Variants in DMD observed in about 807,000 individuals in gnomAD.
The protein encoded by DMD is dystrophin.
Under a neutral mutation model 330.1 loss-of-function variants are expected in DMD, and 63 were observed. That is an observed-to-expected ratio of 0.19 (90% CI 0.16 to 0.24). DMD has a LOEUF of 0.24. DMD is among the 10% of genes least tolerant of loss of function. DMD has a pLI of 1.00. For missense variants in DMD, 3,344 were observed against 2,684.1 expected (o/e 1.25, Z -5.43); for synonymous variants, 1,223 against 959.8 (o/e 1.27, Z -5.07).
At chrX:31,858,446 A>T (rs1028766034) in intron 48 of DMD, among the ~76,000 whole-genome samples, 1 of 110,933 alleles carries the variant, frequency 9.0e-6, no homozygotes, top group Non-Finnish European at 1.9e-5. Context: ...TTTAGATAAT[A>T]TATTATTATC....
chrX:32,946,074 A>G (rs2090784629), intron 2 of DMD, among the ~76,000 whole-genome samples: 1 of 111,762 alleles, frequency 8.9e-6, no homozygotes, highest in Admixed American at 9.6e-5. Flanking sequence ...CAGATAATTC[A>G]TACTTAGTTG....
At chrX:32,883,847 A>G (rs1046566552) in intron 2 of DMD, among the ~76,000 whole-genome samples, 65 of 102,268 alleles carry the variant, frequency 6.4e-4, no homozygotes, top group Non-Finnish European at 1.0e-3. Context: ...AAAAAAAAAA[A>G]AAAAGAAAAT....
chrX:31,759,333 C>T (rs1176871750), intron 51 of DMD, among the ~76,000 whole-genome samples: 3 of 108,764 alleles, frequency 2.8e-5, no homozygotes, highest in Non-Finnish European at 3.8e-5. Flanking sequence ...AAGGTAGTGA[C>T]CAAACCTTCC....
chrX:32,724,624 G>A (rs888752344), intron 7 of DMD, among the ~76,000 whole-genome samples: 2 of 111,527 alleles, frequency 1.8e-5, no homozygotes, highest in African/African-American at 6.5e-5. Flanking sequence ...GTTGAACCAT[G>A]TAGCTCACAT....
chrX:32,622,913 C>T (rs1472531675), intron 11 of DMD, among the ~76,000 whole-genome samples: 1 of 111,754 alleles, frequency 8.9e-6, no homozygotes, highest in East Asian at 2.8e-4. Context: ...ATGGATCACA[C>T]TTTGAATGAC....
chrX:32,859,496 C>G (rs2081901961), intron 2 of DMD, among the ~76,000 whole-genome samples: 2 of 85,898 alleles, frequency 2.3e-5, no homozygotes, highest in South Asian at 9.2e-4. Context: ...CACACACACA[C>G]ACACACACAC....
intron 1 of DMD, among the ~76,000 whole-genome samples, chrX:33,082,007 T>C (rs1209753288): frequency 9.2e-6 from 1 of 108,889 alleles, no homozygotes; most frequent in African/African-American, 3.3e-5. Context: ...GCCTCCTCTG[T>C]TTTTCCCAAT....
Position 32,037,282 on chromosome X carries a change from G to C in DMD, c.6439-68768C>G, listed in dbSNP as rs191957874. On this transcript the variant is annotated intron_variant, in intron 44 of 78. Coordinates refer to ENST00000357033, the MANE Select transcript of DMD (RefSeq NM_004006.3). ...TTCATGAGCAAGCAATGTGGAGGCA[G>C]TATATTCCCACAGAACATATTCATG... Among the ~76,000 whole-genome samples, 62 of 111,875 alleles carry C rather than the reference G, an allele frequency of 5.5e-4. 1 individual carries two copies. The Admixed American group carries it at 5.7e-3, about 10-fold the overall frequency.
chrX:32,607,646 A>G (rs944205820), intron 12 of DMD, among the ~76,000 whole-genome samples: 1 of 110,223 alleles, frequency 9.1e-6, no homozygotes, highest in Non-Finnish European at 1.9e-5. Flanking sequence ...TTAACACGGG[A>G]TTGGATTTAC....
chrX:32,111,678 C>A (rs1283271187), intron 44 of DMD, among the ~76,000 whole-genome samples: 1 of 111,300 alleles, frequency 9.0e-6, no homozygotes. Flanking sequence ...GTTATCATAT[C>A]AAGTCCCAAC....
intron 61 of DMD, among the ~76,000 whole-genome samples, chrX:31,332,029 ACATGTATACCTTAGC>A (rs1569527873): frequency 8.9e-6 from 1 of 112,357 alleles, no homozygotes; most frequent in East Asian, 2.8e-4. Context: ...AAAGAACTAA[ACATGTATACCTTAGC>A]CATGGCCTCA....
chrX:32,471,412 A>G lies in DMD; in HGVS notation c.2949+752T>C, dbSNP rs191445738. Among the ~76,000 whole-genome samples, 18 of 112,344 alleles carry G rather than the reference A, an allele frequency of 1.6e-4. No individual in the cohort carries two copies. In the East Asian group the frequency reaches 5.0e-3, roughly 31 times the overall value. On this transcript the variant is annotated intron_variant, in intron 22 of 78. Coordinates refer to ENST00000357033, the MANE Select transcript of DMD (RefSeq NM_004006.3). The stretch of plus-strand genomic sequence containing the variant: ...TATTAGAATTCAAATGTCTCATTAC[A>G]TTACAGAAAATTAATGTTTAAATTT...
chrX:31,682,690 T>C (rs1367744254), intron 52 of DMD, among the ~76,000 whole-genome samples: 3 of 112,247 alleles, frequency 2.7e-5, no homozygotes, highest in African/African-American at 9.7e-5. Flanking sequence ...TCCTTAAAAA[T>C]AGTCTCTGAT....
intron 1 of DMD, among the ~76,000 whole-genome samples, chrX:33,177,475 C>G (rs1306144555): frequency 9.0e-6 from 1 of 111,690 alleles, no homozygotes; most frequent in African/African-American, 3.3e-5. Context: ...ACTGCCGCCT[C>G]CCTGGTTCAA....
chrX:32,325,610 C>G (rs2097646992), intron 41 of DMD, among the ~76,000 whole-genome samples: 2 of 111,418 alleles, frequency 1.8e-5, no homozygotes, highest in African/African-American at 6.5e-5. Context: ...ATTGGTGCCC[C>G]TCACTGCATA....
rs1213208529 is a variant in DMD at position 32,364,651 on chromosome X, G to C, written c.5085C>G (p.Ile1695Met). 1 of 1,207,838 alleles carries C rather than the reference G, an allele frequency of 8.3e-7. No individual in the cohort carries two copies. The highest frequency in any genetic ancestry group is 2.2e-5 in the Admixed American group (1 of 45,628). ...CATCCAAAAGTGTGTCAGCCTGAAT[G>C]ATCCACTTTGTGATGTGGTCCACAT... ...DQNVDHITKW[I>M]IQADTLLDES... Residue 1695 changes from isoleucine to methionine, a missense_variant, in exon 36 of 79, where the codon ATC (isoleucine) becomes ATG (methionine). Physicochemically the swap from Ile to Met is conservative, Grantham distance 10. Transcript: ENST00000357033.
chrX:31,491,853 C>G (rs1311609298), intron 57 of DMD, among the ~76,000 whole-genome samples: 2 of 112,064 alleles, frequency 1.8e-5, no homozygotes, highest in East Asian at 2.8e-4. Flanking sequence ...AATATTATCA[C>G]TAATCTGAAA....
chrX:32,879,159 C>T, intron 2 of DMD, among the ~76,000 whole-genome samples: 1 of 111,573 alleles, frequency 9.0e-6, no homozygotes, highest in Admixed American at 9.5e-5. Context: ...CTATGCCTCT[C>T]ACAGCCAGAA....
intron 44 of DMD, 32 bp from the exon 45 acceptor site, chrX:31,968,546 G>T: frequency 8.4e-7 from 1 of 1,186,977 alleles, no homozygotes; most frequent in Non-Finnish European, 1.1e-6. Flanking sequence ...AAACAAAAAT[G>T]AAGCCCCATG....
Sources: gnomAD v4.1 joint callset for allele counts (sites outside exome capture counted in the v4.1 genomes callset) on GRCh38, gnomAD v4.1.1 for gene constraint, MANE v1.5 for transcripts, NCBI Gene and HGNC (gene_info 2026-07-23, HGNC 2026-07-21) for gene names.